Variants in TM2D1 observed in about 807,000 individuals in gnomAD.
TM2D1 encodes the protein TM2 domain containing 1, also known as TM2 domain-containing protein 1.
TM2D1 carries 15 observed loss-of-function variants against 28.4 expected under a neutral mutation model. The ratio of observed to expected loss-of-function variants is 0.53; its 90% confidence interval spans 0.35 to 0.81. The LOEUF is 0.81. TM2D1 is among the 40% of genes least tolerant of loss of function. TM2D1 has a pLI of 0.01. For synonymous variants in TM2D1, 93 were observed against 96.2 expected (o/e 0.97, Z 0.20); for missense variants, 236 against 254.9 (o/e 0.93, Z 0.50).
intron 5 of TM2D1, among the ~76,000 whole-genome samples, chr1:61,691,946 T>TATATATATATAC (rs1644330881): frequency 7.9e-6 from 1 of 127,070 alleles, no homozygotes; most frequent in Non-Finnish European, 1.7e-5. Context: ...TATATATATA[T>TATATATATATAC]ATATATATAT....
At chr1:61,708,642 G>A (rs1390101414) in intron 3 of TM2D1, among the ~76,000 whole-genome samples, 2 of 152,106 alleles carry the variant, frequency 1.3e-5, no homozygotes, top group East Asian at 1.9e-4. Context: ...TGCCCTTTAT[G>A]TGCAAAAAAT....
Position 61,691,932 on chromosome 1 carries a change from A to AAAAAAAATATATAT in TM2D1, c.513+2764_513+2765insATATATATTTTTTT. On this transcript the variant is annotated intron_variant, in intron 5 of 6. Coordinates refer to ENST00000606498, the MANE Select transcript of TM2D1 (RefSeq NM_032027.3). ...TCTCAAAAAAAACTTAAAAAAAAAA[A>AAAAAAAATATATAT]ATATATATATATATATATATATATA... 4.9e-3 allele frequency among the ~76,000 whole-genome samples: 373 copies of AAAAAAAATATATAT among 76,250 alleles called. 5 individuals are homozygous for AAAAAAAATATATAT. Among genetic ancestry groups the AAAAAAAATATATAT allele is most frequent in the Middle Eastern group, 0.011 (1 of 94 alleles). 50.0% of individuals were successfully genotyped at this position (76,250 alleles called of 152,430 possible).
chr1:61,705,003 T>G (rs1046581301), intron 3 of TM2D1, among the ~76,000 whole-genome samples: 1 of 152,212 alleles, frequency 6.6e-6, no homozygotes, highest in African/African-American at 2.4e-5. Flanking sequence ...CAAAGACTGC[T>G]GGTGAATATC....
At chr1:61,712,524 T>C (rs1439136958) in intron 2 of TM2D1, among the ~76,000 whole-genome samples, 2 of 152,094 alleles carry the variant, frequency 1.3e-5, no homozygotes, top group African/African-American at 4.8e-5. Context: ...AATTCTCATG[T>C]CTCAGCCTCT....
At chr1:61,682,013 T>C (rs953398430) in intron 6 of TM2D1, among the ~76,000 whole-genome samples, 1 of 152,214 alleles carries the variant, frequency 6.6e-6, no homozygotes, top group Non-Finnish European at 1.5e-5. Flanking sequence ...GAAAACCTTT[T>C]GGACAATCAG....
At chr1:61,707,029 C>A (rs1287335286) in intron 3 of TM2D1, among the ~76,000 whole-genome samples, 1 of 152,064 alleles carries the variant, frequency 6.6e-6, no homozygotes, top group Non-Finnish European at 1.5e-5. Flanking sequence ...CCGAGGCGGG[C>A]TGATCGCTTG....
chr1:61,690,885 A>C (rs1644318972), intron 5 of TM2D1, among the ~76,000 whole-genome samples: 1 of 152,214 alleles, frequency 6.6e-6, no homozygotes, highest in South Asian at 2.1e-4. Flanking sequence ...TATTTATAAA[A>C]TTCATAAATG....
chr1:61,693,075 G>A (rs908008420), intron 5 of TM2D1, among the ~76,000 whole-genome samples: 3 of 151,750 alleles, frequency 2.0e-5, no homozygotes, highest in Admixed American at 6.6e-5. Context: ...TGTCTCTTCA[G>A]AATATACAAA....
At position 61,710,473 on chromosome 1, in the gene TM2D1, T is replaced by TACAC. The variant is rs770499881; in HGVS notation, c.239-1037_239-1036insGTGT. 7.3e-3 allele frequency among the ~76,000 whole-genome samples: 647 copies of TACAC among 88,318 alleles called. 10 individuals are homozygous for TACAC. The highest frequency in any genetic ancestry group is 0.031 in the African/African-American group (598 of 19,006). 57.9% of individuals were successfully genotyped at this position (88,318 alleles called of 152,430 possible). A position where few individuals can be genotyped will look rare whatever the true frequency, so the allele number is the denominator to read the frequency against. On this transcript the variant is annotated intron_variant, in intron 2 of 6. Coordinates refer to ENST00000606498, the MANE Select transcript of TM2D1 (RefSeq NM_032027.3). Reference sequence around the variant, plus strand: ...GTATATATATATATACATATATATATATACACACACACACACACATATACA... The same window carrying TACAC: ...GTATATATATATATACATATATATATACACATACACACACACACACACATATACA...
In TM2D1 at chr1:61,716,205, G is replaced by C. The variant is rs1644517793; in HGVS notation, c.239-6768C>G. 2.6e-5 allele frequency among the ~76,000 whole-genome samples: 4 copies of C among 151,090 alleles called. No homozygotes were observed. In the South Asian group the frequency reaches 8.3e-4, roughly 31 times the overall value. On this transcript the variant is annotated intron_variant, in intron 2 of 6. Coordinates refer to ENST00000606498, the MANE Select transcript of TM2D1 (RefSeq NM_032027.3). ...ATGGTGGCATGTGCCTGTAGTCCTA[G>C]CTACTCGGGAAGCTGAGGCAGGAAG...
At chr1:61,724,149 G>A (rs1329031069) in intron 1 of TM2D1, 1 of 154,536 alleles carries the variant, frequency 6.5e-6, no homozygotes, top group Non-Finnish European at 1.4e-5. Context: ...AGGTTGCAAA[G>A]TGCAACAGAA....
chr1:61,710,475 T>TAA (rs1553142687), intron 2 of TM2D1, among the ~76,000 whole-genome samples: 2 of 119,580 alleles, frequency 1.7e-5, no homozygotes, highest in Admixed American at 1.1e-4. Flanking sequence ...TATATATATA[T>TAA]ACACACACAC....
intron 3 of TM2D1, among the ~76,000 whole-genome samples, chr1:61,702,714 AAT>A (rs1175275050): frequency 6.6e-6 from 1 of 151,576 alleles, no homozygotes; most frequent in Non-Finnish European, 1.5e-5. Flanking sequence ...AAAGATAGTT[AAT>A]ATATTGATAT....
At chr1:61,691,946 T>TATATATATATATATATAC (rs1644330895) in intron 5 of TM2D1, among the ~76,000 whole-genome samples, 1 of 127,070 alleles carries the variant, frequency 7.9e-6, no homozygotes, top group Non-Finnish European at 1.7e-5. Context: ...TATATATATA[T>TATATATATATATATATAC]ATATATATAT....
At chr1:61,694,305 C>G (rs1025151373) in intron 5 of TM2D1, 1 of 155,014 alleles carries the variant, frequency 6.5e-6, no homozygotes, top group African/African-American at 2.4e-5. Flanking sequence ...TGGTAATTGA[C>G]AAGGTGACAG....
rs538091603 is a variant in TM2D1 at position 61,689,350 on chromosome 1, G to C, written c.513+5347C>G. Among the ~76,000 whole-genome samples, 10 of 151,130 alleles carry C rather than the reference G, an allele frequency of 6.6e-5. No homozygotes were observed. The Admixed American group carries it at 6.6e-4, about 10-fold the overall frequency. ...TGTTTATTAGGTCTACAGCCCCCAA[G>C]GAAATATTTTATTTTATTATTATTA... On this transcript the variant is annotated intron_variant, in intron 5 of 6. Coordinates refer to ENST00000606498, the MANE Select transcript of TM2D1 (RefSeq NM_032027.3).
chr1:61,693,694 C>T (rs116826084), intron 5 of TM2D1, among the ~76,000 whole-genome samples: 6,272 of 152,218 alleles, frequency 0.041, 149 homozygotes, highest in Non-Finnish European at 0.064. Context: ...ATCCAAATCT[C>T]CTAGATTGTG....
At chr1:61,710,835 G>C (rs1644473577) in intron 2 of TM2D1, among the ~76,000 whole-genome samples, 5 of 151,552 alleles carry the variant, frequency 3.3e-5, no homozygotes, top group Admixed American at 6.6e-5. Context: ...CCTCTTTTAG[G>C]CAAGAATAGT....
intron 1 of TM2D1, among the ~76,000 whole-genome samples, chr1:61,724,673 G>A (rs1644592048): frequency 1.3e-5 from 2 of 151,972 alleles, no homozygotes; most frequent in South Asian, 4.2e-4. Context: ...GGATCTACAT[G>A]TTTTACTGAA....
Sources: allele counts gnomAD v4.1 joint callset (sites outside exome capture counted in the v4.1 genomes callset), GRCh38; gene constraint gnomAD v4.1.1; transcripts MANE v1.5; gene names NCBI Gene and HGNC (gene_info 2026-07-23, HGNC 2026-07-21).